Variants in ADGRL2 observed in about 807,000 individuals in gnomAD.
ADGRL2 encodes calcium-independent alpha-latrotoxin receptor 2.
ADGRL2 carries 44 observed loss-of-function variants against 157.4 expected under a neutral mutation model. The ratio of observed to expected loss-of-function variants is 0.28; its 90% confidence interval spans 0.22 to 0.36. The LOEUF is 0.36. Ranked by LOEUF, ADGRL2 falls within the 10% of genes least tolerant of loss-of-function variation. The pLI is 1.00. For missense variants in ADGRL2, 1,510 were observed against 1,768.9 expected (o/e 0.85, Z 2.63); for synonymous variants, 585 against 624.7 (o/e 0.94, Z 0.95).
chr1:81,621,797 A>G (rs928318586), intron 3 of ADGRL2, among the ~76,000 whole-genome samples: 2 of 152,196 alleles, frequency 1.3e-5, no homozygotes, highest in Non-Finnish European at 2.9e-5. Flanking sequence ...GTAATTTGTT[A>G]TGCAGCAATA....
intron 1 of ADGRL2, among the ~76,000 whole-genome samples, chr1:81,359,667 C>T (rs10874221): frequency 0.51 from 77,257 of 151,740 alleles, 21,652 homozygotes; most frequent in East Asian, 0.72. Flanking sequence ...ATAGTAACTA[C>T]ACACTTGTCA....
intron 10 of ADGRL2, among the ~76,000 whole-genome samples, chr1:81,953,306 C>G (rs534436667): frequency 5.3e-5 from 8 of 152,084 alleles, no homozygotes; most frequent in African/African-American, 1.9e-4. Flanking sequence ...TCTTTGTTTC[C>G]TGTTGTCATC....
rs1295817466 is a variant in ADGRL2, at chr1:81,801,249, A to G, written c.-101+181A>G. ...GCCCGAGCCCCTTGCTGGAAAACTC[A>G]GGAGGGAGAGATTTGTCCTTTGACG... On this transcript the variant is annotated intron_variant, in intron 1 of 23. Coordinates refer to ENST00000686636, the MANE Select transcript of ADGRL2 (RefSeq NM_001366006.2). Among the ~76,000 whole-genome samples, 3 of 152,218 alleles carry G rather than the reference A, an allele frequency of 2.0e-5. No homozygotes were observed. In the East Asian group the frequency reaches 5.8e-4, roughly 29 times the overall value.
At chr1:81,331,866 C>T (rs932523590) in intron 1 of ADGRL2, among the ~76,000 whole-genome samples, 1 of 152,014 alleles carries the variant, frequency 6.6e-6, no homozygotes, top group Non-Finnish European at 1.5e-5. Context: ...GGTAAATTAA[C>T]CAATTATTTG....
At chr1:81,309,625 C>T (rs969918819) in intron 1 of ADGRL2, among the ~76,000 whole-genome samples, 1 of 152,154 alleles carries the variant, frequency 6.6e-6, no homozygotes, top group African/African-American at 2.4e-5. Context: ...AGTTCTTCAT[C>T]TCAATCTGTA....
intron 3 of ADGRL2, among the ~76,000 whole-genome samples, chr1:81,611,119 T>A (rs2081532909): frequency 6.6e-6 from 1 of 152,234 alleles, no homozygotes; most frequent in Admixed American, 6.5e-5. Context: ...TTTCAGCAGT[T>A]CTGCAATTGA....
At chr1:81,807,027 A>G (rs1422216285) in intron 1 of ADGRL2, among the ~76,000 whole-genome samples, 1 of 152,028 alleles carries the variant, frequency 6.6e-6, no homozygotes. Context: ...TTTTTAAGGT[A>G]ATATATTTTG....
At chr1:81,461,930 A>AGGGGGG (rs71693648) in intron 2 of ADGRL2, among the ~76,000 whole-genome samples, 2 of 67,242 alleles carry the variant, frequency 3.0e-5, no homozygotes, top group Non-Finnish European at 6.7e-5. Flanking sequence ...AAAAGAAGAA[A>AGGGGGG]GGGGGGGGGG....
upstream of ADGRL2, among the ~76,000 whole-genome samples, chr1:81,694,875 T>C (rs1240041874): frequency 6.6e-6 from 1 of 152,188 alleles, no homozygotes; most frequent in African/African-American, 2.4e-5. Context: ...TTTTCTTAAA[T>C]TGTGAATCTT....
intron 2 of ADGRL2, among the ~76,000 whole-genome samples, chr1:81,490,977 T>C (rs757323530): frequency 2.8e-4 from 43 of 152,328 alleles, no homozygotes; most frequent in Non-Finnish European, 2.5e-4. Context: ...CTCTTTGTTA[T>C]GAGAATCTGA....
chr1:81,557,948 C>T (rs1052235832), intron 2 of ADGRL2: 1 of 152,212 alleles, frequency 6.6e-6, no homozygotes, highest in Non-Finnish European at 1.5e-5. Flanking sequence ...GGAGGGCGCA[C>T]CTCTGTTCTG....
At position 81,481,707 on chromosome 1, in the gene ADGRL2, C is replaced by T. The variant is rs114300534; in HGVS notation, c.-248+36618C>T. 4.3e-3 allele frequency among the ~76,000 whole-genome samples: 631 copies of T among 145,554 alleles called. 6 individuals are homozygous for T. The highest frequency in any genetic ancestry group is 0.015 in the African/African-American group (589 of 39,966). On this transcript the variant is annotated intron_variant, in intron 2 of 24. Coordinates refer to the ADGRL2 transcript ENST00000370721. ...ACAATGTTCCCTAACCCACTTTTGG[C>T]CCCATTTACTGTATAGGCTGGTTTT...
intron 3 of ADGRL2, among the ~76,000 whole-genome samples, chr1:81,663,597 T>G (rs1267745943): frequency 6.6e-6 from 1 of 152,208 alleles, no homozygotes; most frequent in Non-Finnish European, 1.5e-5. Context: ...CCATGTCACT[T>G]GGTAAGTGTG....
upstream of ADGRL2, among the ~76,000 whole-genome samples, chr1:81,800,213 C>T (rs1018411325): frequency 6.6e-6 from 1 of 152,152 alleles, no homozygotes; most frequent in Non-Finnish European, 1.5e-5. Flanking sequence ...ACAAACAAAA[C>T]GCTCTTGTGA....
At chr1:81,615,625 A>G (rs527614734) in intron 3 of ADGRL2, among the ~76,000 whole-genome samples, 1 of 152,338 alleles carries the variant, frequency 6.6e-6, no homozygotes, top group African/African-American at 2.4e-5. Context: ...GAAGTCAGCG[A>G]GACCAAGAAC....
intron 1 of ADGRL2, among the ~76,000 whole-genome samples, chr1:81,341,130 T>C (rs1662042539): frequency 6.6e-6 from 1 of 152,188 alleles, no homozygotes; most frequent in East Asian, 1.9e-4. Context: ...GAGGTCAAAA[T>C]GTATCCTTTA....
At chr1:81,851,068 C>T (rs1370192232) in intron 2 of ADGRL2, among the ~76,000 whole-genome samples, 1 of 151,802 alleles carries the variant, frequency 6.6e-6, no homozygotes, top group Non-Finnish European at 1.5e-5. Context: ...TTATGAATAT[C>T]GAAAACAAAG....
Position 81,484,076 on chromosome 1 carries a change from A to T in ADGRL2, c.-248+38987A>T, listed in dbSNP as rs11163307. Among the ~76,000 whole-genome samples, 4 of 152,080 alleles carry T rather than the reference A, an allele frequency of 2.6e-5. No individual in the cohort carries two copies. The East Asian group carries it at 7.7e-4, about 29-fold the overall frequency. ...GACCAGCTCCCATCACCAGATGTAC[A>T]TATACCTTCTGGGGGCTACTTATAC... On this transcript the variant is annotated intron_variant, in intron 2 of 24. Coordinates refer to the ADGRL2 transcript ENST00000370721.
At chr1:81,969,502 C>T (rs535908744) in intron 15 of ADGRL2, 115 bp downstream of exon 15, 27 of 653,280 alleles carry the variant, frequency 4.1e-5, no homozygotes, top group Middle Eastern at 3.6e-4. Flanking sequence ...AGAATTGATA[C>T]GGCAATATTG....
Sources: gnomAD v4.1 joint callset for allele counts (sites outside exome capture counted in the v4.1 genomes callset) on GRCh38, gnomAD v4.1.1 for gene constraint, MANE v1.5 for transcripts, NCBI Gene and HGNC (gene_info 2026-07-23, HGNC 2026-07-21) for gene names.